WWOX: variants seen among roughly 807,000 people sequenced by gnomAD.
WWOX encodes the protein WW domain containing oxidoreductase.
Under a neutral mutation model 46.2 loss-of-function variants are expected in WWOX, and 69 were observed. The ratio of observed to expected loss-of-function variants is 1.49; its 90% CI spans 1.23 to 1.82. WWOX has a LOEUF of 1.82. WWOX is among the 40% of genes most tolerant of loss of function. WWOX has a pLI of 0.00. For synonymous variants in WWOX, 359 were observed against 202.6 expected, an observed-to-expected ratio of 1.77 and a Z score of -6.56; for missense variants, 919 against 542.6, an observed-to-expected ratio of 1.69 and a Z score of -6.89.
chr16:78,418,146 G>C (rs1275761563), intron 6 of WWOX, among the ~76,000 whole-genome samples: 2 of 151,764 alleles, frequency 1.3e-5, no homozygotes, highest in Non-Finnish European at 2.9e-5. Context: ...GGATCACGAG[G>C]TCAGGAGGTC....
At chr16:78,387,849 T>A (rs761175725) in intron 6 of WWOX, among the ~76,000 whole-genome samples, 55 of 152,074 alleles carry the variant, frequency 3.6e-4, no homozygotes, top group African/African-American at 1.1e-3. Flanking sequence ...GTGCGAAGGA[T>A]AAGATAATTA....
chr16:78,888,237 T>C (rs992707800), intron 8 of WWOX, among the ~76,000 whole-genome samples: 1 of 152,184 alleles, frequency 6.6e-6, no homozygotes, highest in African/African-American at 2.4e-5. Flanking sequence ...CTGGGGGCTT[T>C]GTGCTTTGCT....
intron 8 of WWOX, among the ~76,000 whole-genome samples, chr16:78,720,420 A>G (rs1190941388): frequency 6.6e-6 from 1 of 150,766 alleles, no homozygotes; most frequent in Non-Finnish European, 1.5e-5. Flanking sequence ...CTAAAAACTT[A>G]TACATCATTT....
intron 4 of WWOX, among the ~76,000 whole-genome samples, chr16:78,153,114 T>G (rs748690703): frequency 3.9e-5 from 6 of 152,154 alleles, no homozygotes; most frequent in Non-Finnish European, 8.8e-5. Context: ...TCTCTAACTC[T>G]TTGGAACTCA....
rs770788315 is a variant in WWOX at position 79,211,779 on chromosome 16, GGCA to G, written c.1231_1233del (p.Ser411del). ...CGAGAGGCTGATCCAAGAACGGCTT[GGCA>G]GCCAGTCCGGCTAAGTGGAGCTCAG... On this transcript the variant is annotated inframe_deletion, in exon 9 of 9. Transcript: ENST00000566780. The G allele has an allele frequency of 4.0e-5, 65 of 1,613,828 alleles. No individual in the cohort carries two copies. Among genetic ancestry groups the G allele is most frequent in the Non-Finnish European group, 4.8e-5 (57 of 1,179,942 alleles).
At chr16:78,530,155 T>TG (rs2043586600) in intron 8 of WWOX, among the ~76,000 whole-genome samples, 1 of 152,186 alleles carries the variant, frequency 6.6e-6, no homozygotes, top group South Asian at 2.1e-4. Context: ...GTACTGGCCC[T>TG]GGGATAGCAT....
chr16:78,190,524 C>T (rs75607471), intron 5 of WWOX, among the ~76,000 whole-genome samples: 2,667 of 152,262 alleles, frequency 0.018, 51 homozygotes, highest in South Asian at 0.082. Context: ...TCTCCCCGAC[C>T]GACCCCATGA....
intron 5 of WWOX, among the ~76,000 whole-genome samples, chr16:78,233,007 A>G (rs2037319703): frequency 2.0e-5 from 3 of 152,054 alleles, no homozygotes. Flanking sequence ...ATGCCCAGCT[A>G]ATTTGTAATT....
At chr16:79,148,388 G>C (rs1023470101) in intron 8 of WWOX, among the ~76,000 whole-genome samples, 1 of 151,956 alleles carries the variant, frequency 6.6e-6, no homozygotes, top group Non-Finnish European at 1.5e-5. Context: ...TGTTTGTGTG[G>C]GTATCTTTCT....
intron 5 of WWOX, among the ~76,000 whole-genome samples, chr16:78,316,755 G>C (rs1286314850): frequency 6.6e-6 from 1 of 152,122 alleles, no homozygotes; most frequent in Non-Finnish European, 1.5e-5. Context: ...AATGGTGATG[G>C]TAAAGTAATT....
intron 8 of WWOX, among the ~76,000 whole-genome samples, chr16:78,533,602 A>C (rs1044409820): frequency 6.6e-6 from 1 of 152,170 alleles, no homozygotes; most frequent in Non-Finnish European, 1.5e-5. Context: ...ATCACAAGGT[A>C]CAACTAGAAA....
At chr16:78,698,913 A>G (rs1597460349) in intron 8 of WWOX, among the ~76,000 whole-genome samples, 1 of 152,206 alleles carries the variant, frequency 6.6e-6, no homozygotes, top group Non-Finnish European at 1.5e-5. Flanking sequence ...TAGTATTTCA[A>G]CTTATGGTCA....
intron 5 of WWOX, among the ~76,000 whole-genome samples, chr16:78,362,791 G>T (rs958641896): frequency 5.9e-5 from 9 of 152,140 alleles, no homozygotes; most frequent in Admixed American, 5.9e-4. Flanking sequence ...TATACCACAA[G>T]CATTATCTTC....
Position 78,797,423 on chromosome 16 carries a change from T to C in WWOX, c.1056+364671T>C, listed in dbSNP as rs550611034. ...AAGGCAGCCCCGACAGGTACGAGCTTGTAGTCATTTCCCCAAATGCCTAAA... is the reference window on the plus strand; with the variant it reads ...AAGGCAGCCCCGACAGGTACGAGCTCGTAGTCATTTCCCCAAATGCCTAAA... On this transcript the variant is annotated intron_variant, in intron 8 of 8. Coordinates refer to ENST00000566780, the MANE Select transcript of WWOX (RefSeq NM_016373.4). Among the ~76,000 whole-genome samples, 24 of 149,902 alleles carry C rather than the reference T, an allele frequency of 1.6e-4. No homozygotes were observed. In the South Asian group the frequency reaches 2.9e-3, roughly 18 times the overall value.
chr16:78,624,514 C>A (rs1433242494), intron 8 of WWOX, among the ~76,000 whole-genome samples: 1 of 152,188 alleles, frequency 6.6e-6, no homozygotes, highest in Non-Finnish European at 1.5e-5. Flanking sequence ...AGGACAATAT[C>A]TTTAATAGCT....
intron 5 of WWOX, among the ~76,000 whole-genome samples, chr16:78,373,946 C>A (rs1217798077): frequency 6.6e-6 from 1 of 152,072 alleles, no homozygotes; most frequent in East Asian, 1.9e-4. Flanking sequence ...GCCACCAGGC[C>A]CGGCCAATTT....
chr16:78,732,554 T>G (rs2048993642), intron 8 of WWOX, among the ~76,000 whole-genome samples: 1 of 152,174 alleles, frequency 6.6e-6, no homozygotes, highest in Non-Finnish European at 1.5e-5. Context: ...GTGGTAGATT[T>G]ACACTTCAAA....
intron 8 of WWOX, among the ~76,000 whole-genome samples, chr16:78,672,895 C>G (rs1484355369): frequency 6.6e-6 from 1 of 152,206 alleles, no homozygotes; most frequent in Non-Finnish European, 1.5e-5. Context: ...AGCAATACAT[C>G]CTGATAAATG....
rs575002493 is a variant in WWOX at position 78,671,775 on chromosome 16, G to C, written c.1056+239023G>C. The stretch of plus-strand genomic sequence containing the variant: ...TTAGAACATAAGTATATTTAAGAAA[G>C]CACCATCAGTATTCAATTTGCCTTG... On this transcript the variant is annotated intron_variant, in intron 8 of 8. Coordinates refer to ENST00000566780, the MANE Select transcript of WWOX (RefSeq NM_016373.4). 2.9e-4 allele frequency among the ~76,000 whole-genome samples: 44 copies of C among 152,258 alleles called. 1 individual carries two copies. The South Asian group carries it at 9.1e-3, about 32-fold the overall frequency.
Sources: allele counts gnomAD v4.1 joint callset (sites outside exome capture counted in the v4.1 genomes callset), GRCh38; gene constraint gnomAD v4.1.1; transcripts MANE v1.5; gene names NCBI Gene and HGNC (gene_info 2026-07-23, HGNC 2026-07-21).